SPX: variants seen among roughly 807,000 people sequenced by gnomAD.
SPX encodes the protein spexin.
SPX carries 22 observed loss-of-function variants against 19.2 expected under a neutral mutation model. That is an observed-to-expected ratio of 1.15 (90% CI 0.82 to 1.64). The LOEUF (loss-of-function observed/expected upper bound fraction) is 1.64. Ranked by LOEUF, SPX falls within the 40% of genes most tolerant of loss-of-function variation. The pLI is 0.00. For missense variants in SPX, 143 were observed against 137.7 expected (o/e 1.04, Z -0.19); for synonymous variants, 50 against 53.3 (o/e 0.94, Z 0.27).
Position 21,527,192 on chromosome 12 carries a change from C to T in SPX, c.145C>T (p.Gln49Ter), listed in dbSNP as rs915452710. 13 of 1,613,256 alleles carry T rather than the reference C, an allele frequency of 8.1e-6. No individual in the cohort carries two copies. The Admixed American group carries it at 1.3e-4, about 17-fold the overall frequency. ...AGCTATGCTCTACCTGAAAGGGGCACGTAAGTTCCAAATATTTCGCTCTTC... is the reference window on the plus strand; with the variant it reads ...AGCTATGCTCTACCTGAAAGGGGCATGTAAGTTCCAAATATTTCGCTCTTC... ...PQAMLYLKGA[Q>*]GRRFISDQSR... The change falls in exon 3 of 6, where the codon CAG becomes TAG. Residue 49 changes from glutamine (Q) to a stop codon, truncating the protein, a stop_gained and splice_region_variant. Coordinates refer to ENST00000256969, the MANE Select transcript of SPX (RefSeq NM_030572.4). LOFTEE classifies it high-confidence loss of function.
intron 1 of SPX, 22 bp from the exon 2 acceptor site, chr12:21,526,864 T>G: frequency 6.2e-7 from 1 of 1,610,266 alleles, no homozygotes; most frequent in Non-Finnish European, 8.5e-7. Context: ...AATGACCCTT[T>G]CTGGTTGATC....
chr12:21,529,212 ACT>A (rs1943842119), intron 5 of SPX, 128 bp downstream of exon 5: 1 of 795,132 alleles, frequency 1.3e-6, no homozygotes, highest in Non-Finnish European at 2.1e-6. Context: ...CTAATTCTGT[ACT>A]GCTTGAGTGA....
At position 21,528,872 on chromosome 12, in the gene SPX, T is replaced by C. The variant is rs373295429; in HGVS notation, c.209-129T>C. Reference sequence around the variant, plus strand: ...TTAAAAAATTAGTCTTCTGTGTAAGTAGTCCTTTGTTGAGGGGTCAAAATC... The same window carrying C: ...TTAAAAAATTAGTCTTCTGTGTAAGCAGTCCTTTGTTGAGGGGTCAAAATC... On this transcript the variant is annotated intron_variant, in intron 4 of 5. Transcript: ENST00000256969. 2.3e-4 allele frequency: 178 copies of C among 768,468 alleles called. No homozygotes were observed. In the South Asian group the frequency reaches 2.8e-3, roughly 12 times the overall value. The allele number at this position is 768,468 out of a possible 1,614,324, so 47.6% of individuals were successfully genotyped here. A position where few individuals can be genotyped will look rare whatever the true frequency, so the allele number is the denominator to read the frequency against.
In SPX at chr12:21,532,574, A is replaced by G. The variant is rs185458910; in HGVS notation, c.*1379A>G. On this transcript the variant is annotated 3_prime_UTR_variant, in exon 6 of 6. Transcript: ENST00000256969. ...GATTTGATTTGAAAGTAGACTTACTAGGTAGTGCTTACATCTGATTTATTG... is the reference window on the plus strand; with the variant it reads ...GATTTGATTTGAAAGTAGACTTACTGGGTAGTGCTTACATCTGATTTATTG... The G allele has an allele frequency of 2.6e-5, 4 of 152,348 alleles. No individual in the cohort carries two copies. The highest frequency in any genetic ancestry group is 4.4e-5 in the Non-Finnish European group (3 of 68,016). The allele number at this position is 152,348 out of a possible 1,614,324, so 9.4% of individuals were successfully genotyped here.
chr12:21,526,339 T>C lies in SPX; in HGVS notation c.-134T>C. The C allele has an allele frequency of 1.5e-6, 1 of 685,056 alleles. No individual in the cohort carries two copies. Among genetic ancestry groups the C allele is most frequent in the Non-Finnish European group, 2.4e-6 (1 of 414,970 alleles). The allele number at this position is 685,056 out of a possible 1,614,324, so 42.4% of individuals were successfully genotyped here. ...CTTGAAGACTGACAAGATGTCCCTG[T>C]GGACTCCCAAACTCTACTCCAGATG... On this transcript the variant is annotated 5_prime_UTR_variant, in exon 1 of 6. Transcript: ENST00000256969.
intron 5 of SPX, 86 bp downstream of exon 5, chr12:21,529,170 C>T: frequency 7.5e-7 from 1 of 1,325,714 alleles, no homozygotes; most frequent in Non-Finnish European, 1.1e-6. Flanking sequence ...ACACCCCTCC[C>T]CCAGAATTTC....
chr12:21,526,456 C>G lies in SPX; in HGVS notation c.-17C>G. 1.3e-6 allele frequency: 2 copies of G among 1,587,956 alleles called. No homozygotes were observed. Among genetic ancestry groups the G allele is most frequent in the Non-Finnish European group, 1.7e-6 (2 of 1,162,070 alleles). ...ATAAAGTTATAGTTATTTCAGGGTT[C>G]TGAAAAGACGCAGAACATGAAGGTA... On this transcript the variant is annotated 5_prime_UTR_variant, in exon 1 of 6. Transcript: ENST00000256969.
chr12:21,526,591 C>T (rs1943817115), intron 1 of SPX, 113 bp downstream of exon 1: 12 of 1,021,024 alleles, frequency 1.2e-5, no homozygotes, highest in South Asian at 4.8e-5. Context: ...GATATTTGAA[C>T]GATACGCCTT....
chr12:21,529,203 T>A, intron 5 of SPX, 119 bp downstream of exon 5: 1 of 909,118 alleles, frequency 1.1e-6, no homozygotes, highest in Non-Finnish European at 1.8e-6. Context: ...CCAGAAATTC[T>A]AATTCTGTAC....
chr12:21,527,888 C>T, intron 4 of SPX, 99 bp downstream of exon 4: 1 of 1,385,948 alleles, frequency 7.2e-7, no homozygotes, highest in Non-Finnish European at 9.9e-7. Flanking sequence ...AAAGCGTCTC[C>T]TCACCGGAAA....
chr12:21,531,375 T>C lies in SPX; in HGVS notation c.*180T>C. 4.1e-6 allele frequency: 2 copies of C among 493,242 alleles called. No homozygotes were observed. Among genetic ancestry groups the C allele is most frequent in the Non-Finnish European group, 3.5e-6 (1 of 283,218 alleles). The allele number at this position is 493,242 out of a possible 1,614,324, so 30.6% of individuals were successfully genotyped here. A position where few individuals can be genotyped will look rare whatever the true frequency, so the allele number is the denominator to read the frequency against. On this transcript the variant is annotated 3_prime_UTR_variant, in exon 6 of 6. Coordinates refer to ENST00000256969, the MANE Select transcript of SPX (RefSeq NM_030572.4). The stretch of plus-strand genomic sequence containing the variant: ...AGCTGAGAACATCATCTTCTTTCAT[T>C]GCTTCAGGTCCTGTTTAGATGACCA...
rs1368981592 is a variant in SPX, at chr12:21,527,716, C to G, written c.146-11C>G. On this transcript the variant is annotated splice_polypyrimidine_tract_variant and intron_variant, in intron 3 of 5. Coordinates refer to ENST00000256969, the MANE Select transcript of SPX (RefSeq NM_030572.4). Reference sequence around the variant, plus strand: ...CAGGCTGTCGCTGAGCCCCAGGTCTCGTTTTTGCAGAGGGTCGCCGCTTCA... The same window carrying G: ...CAGGCTGTCGCTGAGCCCCAGGTCTGGTTTTTGCAGAGGGTCGCCGCTTCA... The G allele has an allele frequency of 6.4e-7, 1 of 1,560,834 alleles. No homozygotes were observed. The highest frequency in any genetic ancestry group is 1.9e-5 in the Admixed American group (1 of 51,488).
At chr12:21,527,988 G>A (rs1331481134) in intron 4 of SPX, 199 bp downstream of exon 4, 7 of 576,446 alleles carry the variant, frequency 1.2e-5, no homozygotes, top group Non-Finnish European at 1.8e-5. Flanking sequence ...CGCCGGAGCT[G>A]GGAGCTCGCG....
chr12:21,527,637 G>A, intron 3 of SPX, 90 bp from the exon 4 acceptor site: 2 of 1,326,816 alleles, frequency 1.5e-6, no homozygotes, highest in Non-Finnish European at 2.1e-6. Context: ...CCCCACGCCC[G>A]GGGACTGCGC....
Position 21,528,907 on chromosome 12 carries a change from G to A in SPX, c.209-94G>A, listed in dbSNP as rs1282773680. 7 of 1,120,224 alleles carry A rather than the reference G, an allele frequency of 6.2e-6. No individual in the cohort carries two copies. The African/African-American group carries it at 1.1e-4, about 17-fold the overall frequency. The allele number at this position is 1,120,224 out of a possible 1,614,324, so 69.4% of individuals were successfully genotyped here. ...TTGAGGGGTCAAAATCTATTTCATA[G>A]AGGTTTTTCTAGTATTGCTGCATGT... is the stretch of plus-strand genomic sequence containing the variant. On this transcript the variant is annotated intron_variant, in intron 4 of 5. Transcript: ENST00000256969.
chr12:21,529,086 T>A lies in SPX; in HGVS notation c.292+2T>A, dbSNP rs769618855. The A allele has an allele frequency of 6.2e-7, 1 of 1,612,658 alleles. No homozygotes were observed. The highest frequency in any genetic ancestry group is 1.7e-5 in the Admixed American group (1 of 60,024). On this transcript the variant is annotated splice_donor_variant, in intron 5 of 5. Coordinates refer to ENST00000256969, the MANE Select transcript of SPX (RefSeq NM_030572.4). LOFTEE classifies it high-confidence loss of function. ...CGTCCCTTCAGAAATCACCAGAAGGTACTAGCATAGTGGCCTCTTTCACCT... is the reference window on the plus strand; with the variant it reads ...CGTCCCTTCAGAAATCACCAGAAGGAACTAGCATAGTGGCCTCTTTCACCT...
chr12:21,528,364 G>A (rs1047912898), intron 4 of SPX, among the ~76,000 whole-genome samples: 3 of 152,014 alleles, frequency 2.0e-5, no homozygotes, highest in Non-Finnish European at 4.4e-5. Context: ...ATGGGACCGG[G>A]GACTGTTCTT....
chr12:21,527,607 C>A, intron 3 of SPX, 120 bp from the exon 4 acceptor site: 1 of 1,019,824 alleles, frequency 9.8e-7, no homozygotes, highest in Non-Finnish European at 1.5e-6. Flanking sequence ...GCGACCCTAT[C>A]CTGGAGCAAC....
At chr12:21,527,692 A>T in intron 3 of SPX, 35 bp from the exon 4 acceptor site, 1 of 1,551,904 alleles carries the variant, frequency 6.4e-7, no homozygotes, top group African/African-American at 1.4e-5. Context: ...GTCCCGGGCC[A>T]GGCTGTCGCT....
Sources: gnomAD v4.1 joint callset for allele counts (sites outside exome capture counted in the v4.1 genomes callset) on GRCh38, gnomAD v4.1.1 for gene constraint, MANE v1.5 for transcripts, NCBI Gene and HGNC (gene_info 2026-07-23, HGNC 2026-07-21) for gene names.